The following MTMR3 variants were observed in gnomAD, a reference collection of about 807,000 sequenced individuals.
MTMR3 encodes the protein phosphatidylinositol-3,5-bisphosphate 3-phosphatase MTMR3.
MTMR3 carries 32 observed loss-of-function variants against 132.4 expected under a neutral mutation model. The observed-to-expected ratio is 0.24, with a 90% confidence interval of 0.18 to 0.32. The LOEUF (loss-of-function observed/expected upper bound fraction) is 0.32, where lower values mean the gene tolerates loss of function less well. MTMR3 is among the 10% of genes least tolerant of loss of function. MTMR3 has a pLI of 1.00. For missense variants in MTMR3, 1,216 were observed against 1,489.6 expected, an observed-to-expected ratio of 0.82 and a Z score of 3.02; for synonymous variants, 556 against 550.3, an observed-to-expected ratio of 1.01 and a Z score of -0.14.
At chr22:30,016,314 AG>A (rs2067590417) in intron 14 of MTMR3, 1 of 521,450 alleles carries the variant, frequency 1.9e-6, no homozygotes, top group African/African-American at 1.9e-5. Flanking sequence ...TAAGAGGAAT[AG>A]GGGCACCAAC....
chr22:29,985,628 T>TA (rs1206752218), intron 5 of MTMR3: 39 of 152,342 alleles, frequency 2.6e-4, no homozygotes, highest in African/African-American at 9.4e-4. Context: ...TGTATGTCCC[T>TA]ATTCTTGCTG....
At chr22:29,931,117 G>A (rs1379297073) in intron 1 of MTMR3, among the ~76,000 whole-genome samples, 1 of 151,822 alleles carries the variant, frequency 6.6e-6, no homozygotes, top group African/African-American at 2.4e-5. Context: ...AATTGATTTG[G>A]CAACTTTATG....
rs562225906 is a variant in MTMR3 at position 29,978,623 on chromosome 22, A to G, written c.93+92A>G. 25 of 882,638 alleles carry G rather than the reference A, an allele frequency of 2.8e-5. No individual in the cohort carries two copies. In the African/African-American group the frequency reaches 3.6e-4, roughly 13 times the overall value. 54.7% of individuals were successfully genotyped at this position (882,638 alleles called of 1,614,324 possible). ...ATTTAAGTGTAACGTACTATATTAT[A>G]TATATATATAACATACATGTAGTAG... is the stretch of plus-strand genomic sequence containing the variant. On this transcript the variant is annotated intron_variant, in intron 4 of 19. Transcript: ENST00000401950.
At chr22:29,897,788 G>C (rs1286784426) in intron 1 of MTMR3, among the ~76,000 whole-genome samples, 1 of 152,034 alleles carries the variant, frequency 6.6e-6, no homozygotes. Flanking sequence ...CATACGGTTG[G>C]AGTCCCTTTT....
intron 1 of MTMR3, among the ~76,000 whole-genome samples, chr22:29,897,802 A>G (rs1409744522): frequency 6.6e-6 from 1 of 152,028 alleles, no homozygotes; most frequent in Non-Finnish European, 1.5e-5. Flanking sequence ...CCCTTTTGTC[A>G]TCCTCTTAGA....
chr22:29,931,239 G>T (rs557043721), intron 1 of MTMR3, among the ~76,000 whole-genome samples: 1 of 152,266 alleles, frequency 6.6e-6, no homozygotes, highest in South Asian at 2.1e-4. Context: ...GTGGAAGGAA[G>T]ACAGTAGTTT....
rs11704321 is a variant in MTMR3 at position 29,884,648 on chromosome 22, C to T, written c.-138+1289C>T. On this transcript the variant is annotated intron_variant, in intron 1 of 19. Transcript: ENST00000401950. Reference sequence around the variant, plus strand: ...TGCGATCTCTGCTCACTGCAACCTCCGCCTGCCAGGTTCTAGCAATCCTCC... The same window carrying T: ...TGCGATCTCTGCTCACTGCAACCTCTGCCTGCCAGGTTCTAGCAATCCTCC... Among the ~76,000 whole-genome samples the T allele has an allele frequency of 6.9e-3, 1,039 of 150,976 alleles. 6 individuals are homozygous for T. The highest frequency in any genetic ancestry group is 0.017 in the Middle Eastern group (5 of 290).
chr22:29,978,204 A>G (rs1349855652), intron 3 of MTMR3: 2 of 331,428 alleles, frequency 6.0e-6, no homozygotes, highest in African/African-American at 2.1e-5. Flanking sequence ...GTTAGTGCCT[A>G]ATAGAAATAT....
chr22:30,007,744 A>C (rs2067304394), intron 10 of MTMR3, 157 bp from the exon 11 acceptor site: 1 of 867,530 alleles, frequency 1.2e-6, no homozygotes, highest in African/African-American at 1.7e-5. Context: ...GGCCACATAG[A>C]AAAAAAGAGA....
chr22:29,951,343 T>G (rs1457651428), intron 1 of MTMR3, among the ~76,000 whole-genome samples: 5 of 152,136 alleles, frequency 3.3e-5, no homozygotes, highest in Non-Finnish European at 7.3e-5. Flanking sequence ...ACCCCCTATC[T>G]CTTGTATAAG....
chr22:29,957,991 C>CTATATA (rs35229756), intron 2 of MTMR3, among the ~76,000 whole-genome samples: 3 of 150,388 alleles, frequency 2.0e-5, no homozygotes, highest in East Asian at 3.9e-4. Flanking sequence ...AGAGGAAAAA[C>CTATATA]TATATATATA....
At chr22:29,985,272 G>A (rs2066833920) in intron 5 of MTMR3, 1 of 152,138 alleles carries the variant, frequency 6.6e-6, no homozygotes, top group Non-Finnish European at 1.5e-5. Flanking sequence ...GGCCTAGGCG[G>A]GTGGATCACC....
intron 2 of MTMR3, among the ~76,000 whole-genome samples, chr22:29,964,139 G>A (rs560570889): frequency 4.6e-5 from 7 of 152,292 alleles, no homozygotes; most frequent in Non-Finnish European, 8.8e-5. Flanking sequence ...TTTACTGAGT[G>A]CATGCATTAC....
chr22:29,950,715 A>AT (rs1569020658), intron 1 of MTMR3, among the ~76,000 whole-genome samples: 1 of 152,224 alleles, frequency 6.6e-6, no homozygotes, highest in Admixed American at 6.5e-5. Context: ...ATAAAATTAG[A>AT]TTTTAAACTC....
chr22:29,909,833 A>C (rs1287251321), intron 1 of MTMR3, among the ~76,000 whole-genome samples: 1 of 152,218 alleles, frequency 6.6e-6, no homozygotes, highest in Non-Finnish European at 1.5e-5. Flanking sequence ...TTCTTGCCTC[A>C]GATCGAGCTT....
At position 29,929,685 on chromosome 22, in the gene MTMR3, T is replaced by G. The variant is rs146540597; in HGVS notation, c.-137-27351T>G. Among the ~76,000 whole-genome samples, 554 of 152,170 alleles carry G rather than the reference T, an allele frequency of 3.6e-3. 6 individuals carry two copies. Among genetic ancestry groups the G allele is most frequent in the African/African-American group, 0.013 (537 of 41,524 alleles). On this transcript the variant is annotated intron_variant, in intron 1 of 19. Transcript: ENST00000401950. ...CCACCATGCCCGGCTAACTTTTTTT[T>G]GTATTTTTAGCAGAGACAGGGTTTC...
intron 1 of MTMR3, among the ~76,000 whole-genome samples, chr22:29,931,925 C>T (rs1209884420): frequency 6.6e-6 from 1 of 152,022 alleles, no homozygotes; most frequent in African/African-American, 2.4e-5. Context: ...TGACAGCCAG[C>T]TCTTTATTCT....
At chr22:29,942,341 C>T (rs549159714) in intron 1 of MTMR3, among the ~76,000 whole-genome samples, 2 of 152,090 alleles carry the variant, frequency 1.3e-5, no homozygotes, top group Non-Finnish European at 2.9e-5. Flanking sequence ...GCTTCATTTG[C>T]TTCACAAGGT....
intron 1 of MTMR3, among the ~76,000 whole-genome samples, chr22:29,912,263 T>A (rs1357133010): frequency 6.6e-6 from 1 of 152,184 alleles, no homozygotes; most frequent in Non-Finnish European, 1.5e-5. Context: ...TTTCCTGTCT[T>A]TTTATTATTT....
Sources: allele counts gnomAD v4.1 joint callset (sites outside exome capture counted in the v4.1 genomes callset), GRCh38; gene constraint gnomAD v4.1.1; transcripts MANE v1.5; gene names NCBI Gene and HGNC (gene_info 2026-07-23, HGNC 2026-07-21).